MMS19: variants seen among roughly 807,000 people sequenced by gnomAD.
MMS19 encodes MMS19 nucleotide excision repair protein homolog.
A neutral mutation model predicts 129.8 loss-of-function variants in MMS19; 77 were observed. The ratio of observed to expected loss-of-function variants is 0.59; its 90% CI spans 0.49 to 0.72. The LOEUF (loss-of-function observed/expected upper bound fraction) is 0.72, where lower values mean the gene tolerates loss of function less well. Ranked by LOEUF, MMS19 falls within the 30% of genes least tolerant of loss-of-function variation. The probability of loss-of-function intolerance (pLI) is 0.00; values close to 1 mark genes in which losing one functional copy is unlikely to be tolerated. For synonymous variants in MMS19, 491 were observed against 502.8 expected (o/e 0.98, Z 0.31); for missense variants, 1,168 against 1,266.3 (o/e 0.92, Z 1.18).
At chr10:97,470,967 CA>C in intron 8 of MMS19, 106 bp from the exon 9 acceptor site, 2 of 716,070 alleles carry the variant, frequency 2.8e-6, no homozygotes, top group South Asian at 5.3e-5. Flanking sequence ...CATACCCAAT[CA>C]GGGAAGATAG....
Position 97,461,857 on chromosome 10 carries a change from T to C in MMS19, c.2155A>G (p.Met719Val), listed in dbSNP as rs375806531. The change falls in exon 22 of 31, where the codon ATG (methionine) becomes GTG (valine). Residue 719 changes from methionine to valine, a missense_variant. Physicochemically the swap from Met to Val is conservative, Grantham distance 21. Transcript: ENST00000438925. Reference sequence around the variant, plus strand: ...CGAGGCAGGGAGCAGACAAAGGCCATAAGCAGTGCAATCAGCCGCCTCTGC... The same window carrying C: ...CGAGGCAGGGAGCAGACAAAGGCCACAAGCAGTGCAATCAGCCGCCTCTGC... The part of the protein sequence containing the change: ...SGQRRLIALL[M>V]AFVCSLPRNV... The C allele has an allele frequency of 8.1e-6, 13 of 1,609,668 alleles. No homozygotes were observed. The highest frequency in any genetic ancestry group is 9.3e-6 in the Non-Finnish European group (11 of 1,178,146).
intron 5 of MMS19, 70 bp downstream of exon 5, chr10:97,477,785 T>G: frequency 9.3e-7 from 1 of 1,077,108 alleles, no homozygotes; most frequent in Non-Finnish European, 1.3e-6. Flanking sequence ...CAATAATTTT[T>G]GCTATTGAAT....
rs1183059604 is a variant in MMS19 at position 97,459,690 on chromosome 10, G to A, written c.2708C>T (p.Pro903Leu). ...CAGCTCTGGCAAGAGTACAGGCTTG[G>A]GCAGCCTGTTAAGTACATGAGAAAG... ...KGLSHVLNRL[P>L]KPVLLPELPT... The change falls in exon 27 of 31, where the codon CCC (proline) becomes CTC (leucine). Residue 903 changes from proline to leucine, a missense_variant. Pro to Leu is a moderately conservative substitution (Grantham distance 98). Around this residue, in one of 3 missense-constraint regions of MMS19, gnomAD observed 831 missense variants for 910.8 expected, o/e 0.91. Transcript: ENST00000438925. The A allele has an allele frequency of 6.2e-7, 1 of 1,612,630 alleles. No homozygotes were observed. The highest frequency in any genetic ancestry group is 8.5e-7 in the Non-Finnish European group (1 of 1,179,314).
intron 1 of MMS19, among the ~76,000 whole-genome samples, chr10:97,495,916 G>C (rs2039697485): frequency 6.6e-6 from 1 of 152,198 alleles, no homozygotes; most frequent in African/African-American, 2.4e-5. Flanking sequence ...TGAGTAGCTG[G>C]GATTACAGGC....
Position 97,460,283 on chromosome 10 carries a change from G to A in MMS19, c.2470-51C>T, listed in dbSNP as rs2031406908. The A allele has an allele frequency of 5.8e-6, 9 of 1,553,772 alleles. No homozygotes were observed. The South Asian group carries it at 1.0e-4, about 18-fold the overall frequency. On this transcript the variant is annotated intron_variant, in intron 25 of 30. Coordinates refer to ENST00000438925, the MANE Select transcript of MMS19 (RefSeq NM_022362.5). ...ACATCAGGGAAGAAGAATCTTAAGT[G>A]CCAAAGATAAGGATGGGGCCGGGTG...
At chr10:97,462,553 G>T in intron 20 of MMS19, 30 bp downstream of exon 20, 2 of 1,531,438 alleles carry the variant, frequency 1.3e-6, no homozygotes, top group Non-Finnish European at 1.8e-6. Flanking sequence ...CTTCTCCCTG[G>T]GTTCAAGCCA....
intron 5 of MMS19, 96 bp from the exon 6 acceptor site, chr10:97,477,512 C>A: frequency 6.7e-7 from 1 of 1,492,180 alleles, no homozygotes; most frequent in Non-Finnish European, 9.3e-7. Flanking sequence ...GTGAACAGTG[C>A]TCTTTATACC....
In MMS19 at chr10:97,466,598, G is replaced by A. The variant is rs928643825; in HGVS notation, c.1424-13C>T. 3.7e-6 allele frequency: 6 copies of A among 1,608,362 alleles called. No homozygotes were observed. Among genetic ancestry groups the A allele is most frequent in the East Asian group, 2.2e-5 (1 of 44,850 alleles). ...TAAGATAGGAGATCTGTAGTTAGAAGGGAACATGAATCTCATCTTTCTTCC... is the reference window on the plus strand; with the variant it reads ...TAAGATAGGAGATCTGTAGTTAGAAAGGAACATGAATCTCATCTTTCTTCC... On this transcript the variant is annotated splice_polypyrimidine_tract_variant and intron_variant, in intron 15 of 30. Coordinates refer to ENST00000438925, the MANE Select transcript of MMS19 (RefSeq NM_022362.5).
chr10:97,497,913 G>T (rs29001250), intron 1 of MMS19, among the ~76,000 whole-genome samples: 3,794 of 152,224 alleles, frequency 0.025, 121 homozygotes, highest in African/African-American at 0.078. Flanking sequence ...GCATGGCTTC[G>T]TGGCGTGAGC....
intron 18 of MMS19, among the ~76,000 whole-genome samples, chr10:97,464,513 C>T (rs1018303607): frequency 1.3e-5 from 2 of 152,124 alleles, no homozygotes; most frequent in African/African-American, 2.4e-5. Context: ...CAACAGTCTA[C>T]GAGTTACCAG....
At chr10:97,486,960 A>G (rs1020814270) in intron 1 of MMS19, among the ~76,000 whole-genome samples, 3 of 148,660 alleles carry the variant, frequency 2.0e-5, no homozygotes, top group Non-Finnish European at 4.5e-5. Context: ...GCCCTTCCAG[A>G]TATTAAGAGA....
At chr10:97,491,455 A>G (rs1363990412) in intron 1 of MMS19, among the ~76,000 whole-genome samples, 3 of 152,006 alleles carry the variant, frequency 2.0e-5, no homozygotes, top group African/African-American at 7.3e-5. Flanking sequence ...TCATGAGGTC[A>G]GGAGATCGAG....
At chr10:97,481,967 G>A (rs1420146669) in intron 2 of MMS19, among the ~76,000 whole-genome samples, 4 of 152,158 alleles carry the variant, frequency 2.6e-5, no homozygotes, top group Non-Finnish European at 5.9e-5. Context: ...CTTGAGCCCG[G>A]CAGTCGTGAC....
rs139329271 is a variant in MMS19, at chr10:97,485,070, C to T, written c.113-919G>A. 1.3e-3 allele frequency among the ~76,000 whole-genome samples: 195 copies of T among 151,864 alleles called. 2 individuals are homozygous for T. The highest frequency in any genetic ancestry group is 2.4e-3 in the Non-Finnish European group (162 of 67,896). On this transcript the variant is annotated intron_variant, in intron 1 of 30. Transcript: ENST00000438925. ...GATTACAGATGTGAGCCACTGCGTG[C>T]GACCTAGACATAAACTTAATAAAAA...
chr10:97,461,655 A>G (rs1372247436), intron 22 of MMS19, 33 bp from the exon 23 acceptor site: 1 of 1,588,958 alleles, frequency 6.3e-7, no homozygotes, highest in Admixed American at 1.8e-5. Context: ...ATGGACCCAG[A>G]GAACACTTGA....
upstream of MMS19, chr10:97,498,484 G>A (rs1434758535): frequency 6.0e-6 from 9 of 1,502,108 alleles, no homozygotes. Context: ...AGCGCAAGGG[G>A]GCGGGGCGCC....
intron 10 of MMS19, 132 bp downstream of exon 10, chr10:97,469,997 C>A: frequency 1.4e-6 from 1 of 712,792 alleles, no homozygotes; most frequent in Non-Finnish European, 2.4e-6. Context: ...CAGGTCGACA[C>A]AAAGGCCCAA....
intron 1 of MMS19, among the ~76,000 whole-genome samples, chr10:97,496,417 A>C (rs2039790894): frequency 6.6e-6 from 1 of 150,402 alleles, no homozygotes; most frequent in Non-Finnish European, 1.5e-5. Flanking sequence ...GGGAGGCTTG[A>C]GGCAGGAGGA....
In MMS19 at chr10:97,458,923, C is replaced by T. The variant is rs748933305; in HGVS notation, c.2965-23G>A. On this transcript the variant is annotated intron_variant, in intron 29 of 30. Transcript: ENST00000438925. ...CAGCTGTGGAGTCAGAGGATATAAT[C>T]AACCTTGCTCATCCAAGGCAACTGA... 8.1e-6 allele frequency: 13 copies of T among 1,610,252 alleles called. No individual in the cohort carries two copies. The African/African-American group carries it at 1.5e-4, about 18-fold the overall frequency.
Sources: gnomAD v4.1 joint callset for allele counts (sites outside exome capture counted in the v4.1 genomes callset) on GRCh38, gnomAD v4.1.1 for gene constraint, gnomAD v4.1.1 regional missense constraint, MANE v1.5 for transcripts, NCBI Gene and HGNC (gene_info 2026-07-23, HGNC 2026-07-21) for gene names.